PARD3B: variants seen among roughly 807,000 people sequenced by gnomAD.
PARD3B encodes par-3 family cell polarity regulator beta, also known as partitioning defective 3 homolog B.
Under a neutral mutation model 130.2 loss-of-function variants are expected in PARD3B, and 103 were observed. That is an observed-to-expected ratio of 0.79 (90% CI 0.67 to 0.93). The LOEUF is 0.93. Among genes scored for constraint, PARD3B ranks in the 40% least tolerant of loss-of-function variants. The probability of loss-of-function intolerance (pLI) is 0.00; values close to 1 mark genes in which losing one functional copy is unlikely to be tolerated. For missense variants in PARD3B, 1,609 were observed against 1,499.2 expected, an observed-to-expected ratio of 1.07 and a Z score of -1.21; for synonymous variants, 583 against 553.2, an observed-to-expected ratio of 1.05 and a Z score of -0.76.
chr2:204,660,778 A>G (rs1486397970), intron 1 of PARD3B, among the ~76,000 whole-genome samples: 2 of 152,208 alleles, frequency 1.3e-5, no homozygotes, highest in African/African-American at 4.8e-5. Flanking sequence ...ATTAATTGCT[A>G]CTAATAGCAA....
chr2:204,551,754 A>T (rs1477688619), intron 1 of PARD3B, among the ~76,000 whole-genome samples: 1 of 152,208 alleles, frequency 6.6e-6, no homozygotes, highest in Non-Finnish European at 1.5e-5. Flanking sequence ...ATTCATTCCC[A>T]GGGTATTCTG....
chr2:204,827,714 T>G (rs1308354999), intron 2 of PARD3B, among the ~76,000 whole-genome samples: 1 of 152,224 alleles, frequency 6.6e-6, no homozygotes, highest in East Asian at 1.9e-4. Context: ...CTTCAAAAAA[T>G]GCATGTTAAA....
chr2:205,175,969 G>T (rs147447118), intron 12 of PARD3B, among the ~76,000 whole-genome samples: 59 of 152,292 alleles, frequency 3.9e-4, no homozygotes, highest in African/African-American at 1.4e-3. Context: ...CAAAGACCTA[G>T]TATCTGCACA....
intron 22 of PARD3B, among the ~76,000 whole-genome samples, chr2:205,569,245 T>C (rs908391890): frequency 3.3e-5 from 5 of 152,204 alleles, no homozygotes; most frequent in African/African-American, 1.2e-4. Flanking sequence ...CTCTGTCTTC[T>C]TGATTTCCTA....
At chr2:205,307,960 T>G (rs1223864732) in intron 18 of PARD3B, among the ~76,000 whole-genome samples, 1 of 152,164 alleles carries the variant, frequency 6.6e-6, no homozygotes, top group South Asian at 2.1e-4. Context: ...TAAGAGGAAT[T>G]ATGCCTTGCA....
At position 205,323,584 on chromosome 2, in the gene PARD3B, G is replaced by A. The variant is rs542235724; in HGVS notation, c.2630+21883G>A. Among the ~76,000 whole-genome samples the A allele has an allele frequency of 4.6e-5, 7 of 152,284 alleles. No homozygotes were observed. The East Asian group carries it at 7.8e-4, about 17-fold the overall frequency. ...TAGATAATGTAATCTAGCCTCTGTA[G>A]ACTATTGATGTTCCCTACCTGACAA... On this transcript the variant is annotated intron_variant, in intron 18 of 22. Transcript: ENST00000406610.
intron 1 of PARD3B, among the ~76,000 whole-genome samples, chr2:204,615,551 G>A (rs573633863): frequency 5.3e-5 from 8 of 152,268 alleles, no homozygotes; most frequent in Admixed American, 2.0e-4. Context: ...GTCAAGCTCA[G>A]TGTGGTGTAT....
At chr2:205,050,619 A>T (rs1259297013) in intron 4 of PARD3B, among the ~76,000 whole-genome samples, 1 of 152,188 alleles carries the variant, frequency 6.6e-6, no homozygotes, top group East Asian at 1.9e-4. Context: ...GATCTCATTA[A>T]TAATTGTTAT....
chr2:205,507,398 T>C (rs1052248101), intron 21 of PARD3B, among the ~76,000 whole-genome samples: 8 of 151,760 alleles, frequency 5.3e-5, no homozygotes, highest in African/African-American at 1.5e-4. Context: ...GTATTTTTAG[T>C]AGAGACGGGG....
At chr2:204,938,383 G>C (rs958106533) in intron 2 of PARD3B, among the ~76,000 whole-genome samples, 1 of 152,122 alleles carries the variant, frequency 6.6e-6, no homozygotes, top group African/African-American at 2.4e-5. Context: ...AGCACATGCT[G>C]TTCCCTCTGC....
At chr2:204,918,004 T>C (rs1161640195) in intron 2 of PARD3B, among the ~76,000 whole-genome samples, 1 of 152,232 alleles carries the variant, frequency 6.6e-6, no homozygotes, top group African/African-American at 2.4e-5. Context: ...TTATAGTAAT[T>C]AAAGTTTACA....
intron 21 of PARD3B, among the ~76,000 whole-genome samples, chr2:205,532,506 T>C (rs1466831075): frequency 6.6e-6 from 1 of 152,138 alleles, no homozygotes; most frequent in Admixed American, 6.5e-5. Context: ...TGGTTCAGAG[T>C]TGCTGGAGTG....
intron 2 of PARD3B, among the ~76,000 whole-genome samples, chr2:204,794,802 C>T (rs143126952): frequency 1.1e-4 from 16 of 152,250 alleles, no homozygotes; most frequent in Middle Eastern, 6.8e-3. Flanking sequence ...TTCAGCACAC[C>T]GCTGAAAATA....
At chr2:205,344,208 G>A (rs1310347882) in intron 18 of PARD3B, among the ~76,000 whole-genome samples, 6 of 151,798 alleles carry the variant, frequency 4.0e-5, no homozygotes, top group African/African-American at 1.5e-4. Context: ...GTGTGTGTGT[G>A]TGTGTGTGTG....
At chr2:205,151,261 A>G (rs959910061) in intron 10 of PARD3B, among the ~76,000 whole-genome samples, 2 of 152,136 alleles carry the variant, frequency 1.3e-5, no homozygotes, top group Non-Finnish European at 2.9e-5. Flanking sequence ...GGAGAGTTCT[A>G]TAGATGTCTA....
chr2:204,955,830 C>A (rs1257882664), intron 2 of PARD3B, among the ~76,000 whole-genome samples: 1 of 152,134 alleles, frequency 6.6e-6, no homozygotes, highest in East Asian at 1.9e-4. Context: ...TAGGTAGGGA[C>A]AAGTATACCA....
chr2:204,730,598 A>G (rs78323093), intron 2 of PARD3B, among the ~76,000 whole-genome samples: 1 of 151,220 alleles, frequency 6.6e-6, no homozygotes, highest in African/African-American at 2.4e-5. Context: ...AAAAAAAAAA[A>G]GTAGTGGGAA....
chr2:204,657,657 G>T (rs1288281463), intron 1 of PARD3B, among the ~76,000 whole-genome samples: 1 of 152,080 alleles, frequency 6.6e-6, no homozygotes. Flanking sequence ...ACGTTTTCAG[G>T]TAATCCTATA....
In PARD3B at chr2:205,572,808, T is replaced by G. The variant is rs2053605909; in HGVS notation, c.3260+19405T>G. Among the ~76,000 whole-genome samples, 1 of 152,196 alleles carries G rather than the reference T, an allele frequency of 6.6e-6. No individual in the cohort carries two copies. ...GAAGGGCATTGTGAAACTGTTTATG[T>G]GGTCCCTACAAAAGATGCTGAAAGC... is the stretch of plus-strand genomic sequence containing the variant. On this transcript the variant is annotated intron_variant, in intron 22 of 22. Transcript: ENST00000406610. This position sits in a 1 kb window ranked among gnomAD's most constrained non-coding sequence, Gnocchi z 4.2.
Sources: gnomAD v4.1 joint callset for allele counts (sites outside exome capture counted in the v4.1 genomes callset) on GRCh38, gnomAD v4.1.1 for gene constraint, Gnocchi (gnomAD v3.1) non-coding constraint, MANE v1.5 for transcripts, NCBI Gene and HGNC (gene_info 2026-07-23, HGNC 2026-07-21) for gene names.